KCNB2: variants seen among roughly 807,000 people sequenced by gnomAD.
The protein encoded by KCNB2 is potassium voltage-gated channel subfamily B member 2.
In KCNB2, 15 loss-of-function variants were observed where a neutral mutation model predicts 61.5. The observed-to-expected ratio is 0.24, with a 90% CI of 0.16 to 0.38. The LOEUF is 0.38. KCNB2 is among the 10% of genes least tolerant of loss of function. KCNB2 has a pLI of 1.00. For missense variants in KCNB2, 828 were observed against 1,125.2 expected (o/e 0.74, Z 3.78); for synonymous variants, 457 against 446.0 (o/e 1.02, Z -0.31).
intron 2 of KCNB2, among the ~76,000 whole-genome samples, chr8:72,906,638 G>T (rs144827163): frequency 6.6e-6 from 1 of 152,238 alleles, no homozygotes; most frequent in Admixed American, 6.5e-5. Flanking sequence ...GAATTGCATC[G>T]TAAGAGAGTG....
chr8:72,927,037 T>C (rs1806664365), intron 2 of KCNB2, among the ~76,000 whole-genome samples: 1 of 152,198 alleles, frequency 6.6e-6, no homozygotes, highest in Non-Finnish European at 1.5e-5. Flanking sequence ...GGGACTTTCC[T>C]TGGAGTTTCT....
chr8:72,908,387 T>G (rs986260606), intron 2 of KCNB2, among the ~76,000 whole-genome samples: 1 of 152,138 alleles, frequency 6.6e-6, no homozygotes, highest in Non-Finnish European at 1.5e-5. Context: ...ATTATCTATC[T>G]CCCCAACATT....
In KCNB2 at chr8:72,936,357, A is replaced by G. The variant is rs1304393040; in HGVS notation, c.1002A>G (p.Glu334=). 2.5e-6 allele frequency: 4 copies of G among 1,614,242 alleles called. 1 individual carries two copies. In the South Asian group the frequency reaches 3.3e-5, roughly 13 times the overall value. The change falls in exon 3 of 3, where the codon GAA becomes GAG. Residue 334 remains glutamate (E), a synonymous_variant. Coordinates refer to ENST00000523207, the MANE Select transcript of KCNB2 (RefSeq NM_004770.3). This position sits in a 1 kb window ranked among gnomAD's most constrained non-coding sequence, Gnocchi z 5.6. Reference sequence around the variant, plus strand: ...TCACCCTTAGGCGGAGTTACAATGAATTGGGCTTGTTGATATTGTTTCTGG... The same window carrying G: ...TCACCCTTAGGCGGAGTTACAATGAGTTGGGCTTGTTGATATTGTTTCTGG... The part of the protein sequence containing the change: ...LGFTLRRSYN[E]LGLLILFLAM...
intron 1 of KCNB2, among the ~76,000 whole-genome samples, chr8:72,564,286 C>T (rs1012603534): frequency 2.6e-5 from 4 of 152,108 alleles, no homozygotes; most frequent in African/African-American, 9.7e-5. Flanking sequence ...ATGCCTTTGC[C>T]ACAAACAAAT....
At chr8:72,596,799 A>G (rs559078344) in intron 2 of KCNB2, among the ~76,000 whole-genome samples, 13 of 152,268 alleles carry the variant, frequency 8.5e-5, no homozygotes, top group Admixed American at 3.3e-4. Flanking sequence ...CATTGTTGCC[A>G]TGAACTTTGG....
At chr8:72,579,247 G>C (rs922685334) in intron 2 of KCNB2, among the ~76,000 whole-genome samples, 8 of 152,006 alleles carry the variant, frequency 5.3e-5, no homozygotes, top group African/African-American at 1.9e-4. Flanking sequence ...AACAACTGTT[G>C]ATTTTCTACT....
At chr8:72,635,860 G>A (rs1263284982) in intron 2 of KCNB2, among the ~76,000 whole-genome samples, 5 of 152,154 alleles carry the variant, frequency 3.3e-5, no homozygotes, top group African/African-American at 1.2e-4. Context: ...AACAGTGCAG[G>A]CTTTAGAGAG....
chr8:72,820,481 A>G (rs1199616562), intron 2 of KCNB2, among the ~76,000 whole-genome samples: 2 of 152,196 alleles, frequency 1.3e-5, no homozygotes, highest in East Asian at 1.9e-4. Context: ...TCAATTCCCA[A>G]CTGCAAAACA....
chr8:72,754,250 C>G (rs1340289384), intron 2 of KCNB2, among the ~76,000 whole-genome samples: 1 of 152,142 alleles, frequency 6.6e-6, no homozygotes, highest in African/African-American at 2.4e-5. Flanking sequence ...AATTTCGCAG[C>G]CTGGAATCAA....
chr8:72,934,394 C>CA (rs11392513), intron 2 of KCNB2, among the ~76,000 whole-genome samples: 38,266 of 83,610 alleles, frequency 0.46, 8,025 homozygotes, highest in Non-Finnish European at 0.54. Flanking sequence ...TCACCCCCCG[C>CA]AAAAAAAAAA....
chr8:72,727,194 A>G (rs1452321775), intron 2 of KCNB2, among the ~76,000 whole-genome samples: 1 of 152,146 alleles, frequency 6.6e-6, no homozygotes, highest in African/African-American at 2.4e-5. Context: ...CAAGCAGAAA[A>G]TGACTTGGCT....
chr8:72,797,338 A>C (rs2128999200), intron 2 of KCNB2, among the ~76,000 whole-genome samples: 1 of 152,326 alleles, frequency 6.6e-6, no homozygotes, highest in Non-Finnish European at 1.5e-5. Flanking sequence ...AGAAACCAGA[A>C]GTTCCAACTT....
intron 2 of KCNB2, among the ~76,000 whole-genome samples, chr8:72,848,954 C>T (rs1187408620): frequency 1.3e-5 from 2 of 151,088 alleles, no homozygotes; most frequent in African/African-American, 4.9e-5. Flanking sequence ...AGTTATTACA[C>T]TTTTTAAACT....
Position 72,900,117 on chromosome 8 carries a change from T to C in KCNB2, c.580-35818T>C, listed in dbSNP as rs1005100292. On this transcript the variant is annotated intron_variant, in intron 2 of 2. Transcript: ENST00000523207. ...AAACTATACTACAAGGCTGCAGTAA[T>C]CAAAACAGCAGGGTCTGATACAAAA... 5.3e-5 allele frequency among the ~76,000 whole-genome samples: 8 copies of C among 151,930 alleles called. 1 individual carries two copies. Among genetic ancestry groups the C allele is most frequent in the Middle Eastern group, 6.8e-3 (2 of 294 alleles).
intron 2 of KCNB2, among the ~76,000 whole-genome samples, chr8:72,683,206 A>G (rs1256479367): frequency 6.6e-6 from 1 of 152,198 alleles, no homozygotes; most frequent in Admixed American, 6.5e-5. Flanking sequence ...AGCTATCACC[A>G]TTGAACAATG....
intron 2 of KCNB2, among the ~76,000 whole-genome samples, chr8:72,677,382 C>G (rs1177229139): frequency 6.6e-6 from 1 of 152,184 alleles, no homozygotes; most frequent in Non-Finnish European, 1.5e-5. Flanking sequence ...ATTGTCTTCT[C>G]GATCCTCAGG....
chr8:72,874,040 G>T (rs1805663114), intron 2 of KCNB2, among the ~76,000 whole-genome samples: 1 of 152,196 alleles, frequency 6.6e-6, no homozygotes, highest in Non-Finnish European at 1.5e-5. Context: ...CCTTACTTCT[G>T]AAAGAAATAT....
chr8:72,830,635 T>C (rs1809679162), intron 2 of KCNB2, among the ~76,000 whole-genome samples: 1 of 152,218 alleles, frequency 6.6e-6, no homozygotes, highest in Non-Finnish European at 1.5e-5. Flanking sequence ...TCTTTCATGG[T>C]TTATGGAATG....
intron 2 of KCNB2, among the ~76,000 whole-genome samples, chr8:72,778,724 C>A (rs1808699432): frequency 5.2e-5 from 2 of 38,226 alleles, no homozygotes; most frequent in African/African-American, 1.3e-4. Context: ...GCCTGGGCCA[C>A]AGAGCGAGCA....
Sources: allele counts gnomAD v4.1 joint callset (sites outside exome capture counted in the v4.1 genomes callset), GRCh38; gene constraint gnomAD v4.1.1; non-coding constraint Gnocchi (gnomAD v3.1); transcripts MANE v1.5; gene names NCBI Gene and HGNC (gene_info 2026-07-23, HGNC 2026-07-21).